The following RFT1 variants were observed in gnomAD, a reference collection of about 807,000 sequenced individuals.
RFT1 encodes the protein RFT1 glycolipid translocator homolog, also known as man(5)GlcNAc(2)-PP-dolichol translocation protein RFT1.
RFT1 carries 43 observed loss-of-function variants against 62.2 expected under a neutral mutation model. The ratio of observed to expected loss-of-function variants is 0.69; its 90% CI spans 0.54 to 0.89. RFT1 has a LOEUF of 0.89. Ranked by LOEUF, RFT1 falls within the 40% of genes least tolerant of loss-of-function variation. RFT1 has a pLI of 0.00. For synonymous variants in RFT1, 262 were observed against 264.6 expected, an observed-to-expected ratio of 0.99 and a Z score of 0.10; for missense variants, 605 against 649.9, an observed-to-expected ratio of 0.93 and a Z score of 0.75.
At chr3:53,106,210 G>A (rs1701470022) in intron 8 of RFT1, among the ~76,000 whole-genome samples, 1 of 151,940 alleles carries the variant, frequency 6.6e-6, no homozygotes, top group Non-Finnish European at 1.5e-5. Flanking sequence ...TCCAGCCTGG[G>A]CAATAGAATG....
At chr3:53,105,573 T>A in intron 9 of RFT1, 100 bp downstream of exon 9, 1 of 1,408,782 alleles carries the variant, frequency 7.1e-7, no homozygotes, top group Non-Finnish European at 1.0e-6. Context: ...ATAAGAAAAT[T>A]CCTGATCAAA....
chr3:53,085,495 TTGCTTTTTCAA>T (rs530456987), downstream of RFT1, among the ~76,000 whole-genome samples: 193 of 152,364 alleles, frequency 1.3e-3, 1 homozygote, highest in South Asian at 4.8e-3. Flanking sequence ...CGTTTCAAAA[TTGCTTTTTCAA>T]TGCTTTTTCA....
At chr3:53,071,295 T>C in the RFT1 span, among the ~76,000 whole-genome samples, 2 of 152,114 alleles carry the variant, frequency 1.3e-5, no homozygotes, top group East Asian at 3.8e-4. Flanking sequence ...CGTGTCCCCA[T>C]CTGTGAAATG....
chr3:53,086,108 T>C (rs1700847599), downstream of RFT1, among the ~76,000 whole-genome samples: 1 of 152,230 alleles, frequency 6.6e-6, no homozygotes, highest in South Asian at 2.1e-4. Context: ...GAAAGCTAGT[T>C]AGCAAATGAA....
chr3:53,102,058 G>C (rs1421395701), intron 10 of RFT1, among the ~76,000 whole-genome samples: 1 of 152,064 alleles, frequency 6.6e-6, no homozygotes, highest in East Asian at 1.9e-4. Context: ...AAAAAAGTGG[G>C]GGAAACTTGC....
chr3:53,097,594 T>G (rs1032470372), intron 11 of RFT1, among the ~76,000 whole-genome samples: 1 of 152,270 alleles, frequency 6.6e-6, no homozygotes, highest in African/African-American at 2.4e-5. Context: ...ACTATCCATA[T>G]TCCCTCACAA....
the RFT1 span, among the ~76,000 whole-genome samples, chr3:53,070,422 G>A: frequency 2.7e-5 from 1 of 36,998 alleles, no homozygotes; most frequent in African/African-American, 1.1e-4. Flanking sequence ...TTTTTTTTGA[G>A]ACGGAGTCTC....
chr3:53,079,747 C>A, the RFT1 span, among the ~76,000 whole-genome samples: 1 of 152,152 alleles, frequency 6.6e-6, no homozygotes, highest in Admixed American at 6.5e-5. Flanking sequence ...TCTGGGCATC[C>A]TAAATTCAAA....
At chr3:53,067,726 C>T in the RFT1 span, among the ~76,000 whole-genome samples, 7 of 152,290 alleles carry the variant, frequency 4.6e-5, no homozygotes, top group East Asian at 5.8e-4. Flanking sequence ...CAAGGAGGAG[C>T]AGGCAGTGGC....
chr3:53,083,389 G>A, the RFT1 span, among the ~76,000 whole-genome samples: 1 of 150,342 alleles, frequency 6.7e-6, no homozygotes. Context: ...CAGGTACTCA[G>A]GAGGCTGAGG....
intron 7 of RFT1, 54 bp downstream of exon 7, chr3:53,111,776 T>G: frequency 5.8e-5 from 85 of 1,464,498 alleles, no homozygotes; most frequent in Non-Finnish European, 8.0e-5. Context: ...GGCAGTCCTA[T>G]GAAATCCCCT....
chr3:53,126,458 T>G (rs1702114316), intron 1 of RFT1, among the ~76,000 whole-genome samples: 1 of 152,248 alleles, frequency 6.6e-6, no homozygotes, highest in Admixed American at 6.5e-5. Context: ...AATTTCTCTT[T>G]TCTCCTCTGC....
the RFT1 span, among the ~76,000 whole-genome samples, chr3:53,076,725 A>G: frequency 6.6e-6 from 1 of 152,122 alleles, no homozygotes; most frequent in Non-Finnish European, 1.5e-5. Context: ...CCAAGGCAGG[A>G]GGATCGCTTG....
At chr3:53,126,851 C>G (rs1170594643) in intron 1 of RFT1, among the ~76,000 whole-genome samples, 1 of 152,208 alleles carries the variant, frequency 6.6e-6, no homozygotes, top group Non-Finnish European at 1.5e-5. Context: ...TGCATCCCAG[C>G]AGCAAATGAA....
chr3:53,100,440 C>G lies in RFT1; in HGVS notation c.1103-954G>C, dbSNP rs143651997. Reference sequence around the variant, plus strand: ...AGCAATTGCACCCCTAGGTATATATCCAACAGAAATGAACACACATGTTCA... The same window carrying G: ...AGCAATTGCACCCCTAGGTATATATGCAACAGAAATGAACACACATGTTCA... On this transcript the variant is annotated intron_variant, in intron 10 of 12. Coordinates refer to ENST00000296292, the MANE Select transcript of RFT1 (RefSeq NM_052859.4). 5.8e-4 allele frequency among the ~76,000 whole-genome samples: 88 copies of G among 152,242 alleles called. 1 individual carries two copies. In the East Asian group the frequency reaches 8.9e-3, roughly 15 times the overall value.
the RFT1 span, among the ~76,000 whole-genome samples, chr3:53,079,648 C>T: frequency 1.3e-5 from 2 of 152,022 alleles, no homozygotes; most frequent in African/African-American, 2.4e-5. Context: ...GCAGGAGAAT[C>T]GCAGAGGTTG....
At chr3:53,106,912 ATTACT>A (rs747716798) in intron 7 of RFT1, 43 bp from the exon 8 acceptor site, 24 of 1,436,796 alleles carry the variant, frequency 1.7e-5, no homozygotes, top group Non-Finnish European at 2.2e-5. Flanking sequence ...TCAAATGCAC[ATTACT>A]TTATTGTTTC....
chr3:53,102,644 C>A (rs757245923), intron 10 of RFT1, among the ~76,000 whole-genome samples: 1 of 152,202 alleles, frequency 6.6e-6, no homozygotes, highest in Non-Finnish European at 1.5e-5. Flanking sequence ...TCCCAAACAA[C>A]GGAAGAGAAG....
intron 11 of RFT1, among the ~76,000 whole-genome samples, chr3:53,095,989 T>G (rs1347804563): frequency 6.6e-6 from 1 of 152,200 alleles, no homozygotes; most frequent in Admixed American, 6.5e-5. Context: ...TTTACACAAC[T>G]GATCTGCCTA....
Sources: gnomAD v4.1 joint callset for allele counts (sites outside exome capture counted in the v4.1 genomes callset) on GRCh38, gnomAD v4.1.1 for gene constraint, MANE v1.5 for transcripts, NCBI Gene and HGNC (gene_info 2026-07-23, HGNC 2026-07-21) for gene names.